Variants in ARHGAP22 observed in about 807,000 individuals in gnomAD.
ARHGAP22 encodes the protein rho GTPase-activating protein 22.
In ARHGAP22, 48 loss-of-function variants were observed where a neutral mutation model predicts 59.1. The ratio of observed to expected loss-of-function variants is 0.81; its 90% CI spans 0.64 to 1.03. ARHGAP22 has a LOEUF of 1.03. ARHGAP22 is among the 50% of genes least tolerant of loss of function. The pLI is 0.00. For missense variants in ARHGAP22, 1,015 were observed against 958.7 expected (o/e 1.06, Z -0.78); for synonymous variants, 445 against 416.4 (o/e 1.07, Z -0.84).
intron 1 of ARHGAP22, among the ~76,000 whole-genome samples, chr10:48,602,448 G>A (rs2060441100): frequency 6.6e-6 from 1 of 151,554 alleles, no homozygotes; most frequent in Non-Finnish European, 1.5e-5. Flanking sequence ...TTAAAAACAG[G>A]TACATCTAGA....
At chr10:48,597,337 A>T (rs770231544) in intron 1 of ARHGAP22, among the ~76,000 whole-genome samples, 4 of 152,110 alleles carry the variant, frequency 2.6e-5, no homozygotes, top group Non-Finnish European at 5.9e-5. Context: ...GAAAAGCTAA[A>T]GGGCATGAGA....
At chr10:48,456,886 A>G (rs1766362544) in intron 5 of ARHGAP22, among the ~76,000 whole-genome samples, 1 of 145,726 alleles carries the variant, frequency 6.9e-6, no homozygotes, top group African/African-American at 2.5e-5. Flanking sequence ...TTTTCTTGAG[A>G]CTTTTCCCTA....
At chr10:48,557,008 A>G (rs565281293) in intron 2 of ARHGAP22, among the ~76,000 whole-genome samples, 1 of 152,328 alleles carries the variant, frequency 6.6e-6, no homozygotes, top group African/African-American at 2.4e-5. Context: ...GACTCTTCTC[A>G]TTTAAGCAAC....
intron 1 of ARHGAP22, among the ~76,000 whole-genome samples, chr10:48,647,065 G>A (rs759409926): frequency 5.9e-5 from 9 of 152,112 alleles, no homozygotes; most frequent in Non-Finnish European, 1.3e-4. Context: ...ATTTAAAAAT[G>A]GGCAAAAAAT....
chr10:48,493,914 A>C (rs887835318), intron 3 of ARHGAP22, among the ~76,000 whole-genome samples: 2 of 152,288 alleles, frequency 1.3e-5, no homozygotes, highest in South Asian at 2.1e-4. Flanking sequence ...CTCCAGGTGG[A>C]CCCACCCACC....
rs369599977 is a variant in ARHGAP22 at position 48,450,599 on chromosome 10, C to T, written c.1530G>A (p.Met510Ile). ...CGCTGGACGAGGCCCCGGACCACGC[C>T]ATACTGGCCACGCTGGGTATGCCGG... ...LVPGIPSVAS[M>I]AWSGASSSES... The change falls in exon 9 of 10, where the codon ATG (methionine) becomes ATA (isoleucine). Residue 510 changes from methionine to isoleucine, a missense_variant. Physicochemically the swap from Met to Ile is conservative, Grantham distance 10. Transcript: ENST00000249601. 9 of 1,546,904 alleles carry T rather than the reference C, an allele frequency of 5.8e-6. No individual in the cohort carries two copies. The African/African-American group carries it at 1.2e-4, about 21-fold the overall frequency.
chr10:48,576,846 G>A (rs1328182549), intron 2 of ARHGAP22, among the ~76,000 whole-genome samples: 5 of 151,986 alleles, frequency 3.3e-5, no homozygotes, highest in Non-Finnish European at 7.4e-5. Context: ...CATTGTCTGT[G>A]GAATTCCTAG....
chr10:48,647,361 C>A (rs571934919), intron 1 of ARHGAP22, among the ~76,000 whole-genome samples: 20 of 152,136 alleles, frequency 1.3e-4, no homozygotes, highest in African/African-American at 4.8e-4. Flanking sequence ...CCATTGCACT[C>A]CAGTCTGGGC....
chr10:48,529,306 C>T (rs557485725), intron 3 of ARHGAP22, among the ~76,000 whole-genome samples: 25 of 152,192 alleles, frequency 1.6e-4, no homozygotes, highest in Middle Eastern at 6.8e-3. Context: ...GCTCAGGGGC[C>T]CCAGCTAACC....
At chr10:48,447,974 A>C in intron 9 of ARHGAP22, among the ~76,000 whole-genome samples, 1 of 136,686 alleles carries the variant, frequency 7.3e-6, no homozygotes, top group African/African-American at 2.8e-5. Context: ...CACCCCCCAT[A>C]GGTCAGGCCT....
At chr10:48,592,544 G>C (rs867209425) in intron 1 of ARHGAP22, among the ~76,000 whole-genome samples, 1 of 152,056 alleles carries the variant, frequency 6.6e-6, no homozygotes, top group Non-Finnish European at 1.5e-5. Flanking sequence ...CTCCCTCACC[G>C]GCTGTCACTC....
intron 2 of ARHGAP22, among the ~76,000 whole-genome samples, chr10:48,581,727 T>C (rs1305632073): frequency 1.3e-5 from 2 of 152,268 alleles, no homozygotes; most frequent in Non-Finnish European, 2.9e-5. Flanking sequence ...ATTAAGTGCA[T>C]TCACGTTGCT....
At chr10:48,573,320 C>T (rs1436756717) in intron 2 of ARHGAP22, among the ~76,000 whole-genome samples, 1 of 152,196 alleles carries the variant, frequency 6.6e-6, no homozygotes, top group East Asian at 1.9e-4. Flanking sequence ...TCTCAACTTA[C>T]AAGGAGGAAA....
In ARHGAP22 at chr10:48,605,026, A is replaced by C; in HGVS notation, c.-230T>G. 1 of 1,429,236 alleles carries C rather than the reference A, an allele frequency of 7.0e-7. No homozygotes were observed. 88.5% of individuals were successfully genotyped at this position (1,429,236 alleles called of 1,614,324 possible). On this transcript the variant is annotated 5_prime_UTR_variant, in exon 1 of 10. An upstream start codon of the reference 5' UTR is lost. Transcript: ENST00000249601. ...TTTATCCATCCCAGAATTAATTCCC[A>C]TCCAAGCGGACCATTAAAGCCTCAG... is the stretch of plus-strand genomic sequence containing the variant.
At chr10:48,483,503 G>T (rs950714539) in intron 3 of ARHGAP22, among the ~76,000 whole-genome samples, 10 of 152,108 alleles carry the variant, frequency 6.6e-5, no homozygotes, top group African/African-American at 2.4e-4. Context: ...CATAATGACT[G>T]TGTTAATTTA....
intron 1 of ARHGAP22, among the ~76,000 whole-genome samples, chr10:48,588,734 T>C (rs2059577859): frequency 6.6e-6 from 1 of 152,218 alleles, no homozygotes; most frequent in Non-Finnish European, 1.5e-5. Context: ...CCCAATTGAC[T>C]TGATGGTGTT....
chr10:48,455,364 C>T (rs1331303575), intron 5 of ARHGAP22, among the ~76,000 whole-genome samples: 1 of 152,166 alleles, frequency 6.6e-6, no homozygotes, highest in Non-Finnish European at 1.5e-5. Flanking sequence ...GCCAGGAGCT[C>T]CAGCTCAGGG....
chr10:48,649,901 C>A (rs1015488429), intron 1 of ARHGAP22, among the ~76,000 whole-genome samples: 1 of 150,486 alleles, frequency 6.6e-6, no homozygotes. Flanking sequence ...GCATAAGGAC[C>A]TTTCATTTGC....
intron 4 of ARHGAP22, among the ~76,000 whole-genome samples, chr10:48,464,082 T>C (rs1369745036): frequency 1.3e-5 from 2 of 152,168 alleles, no homozygotes; most frequent in Non-Finnish European, 2.9e-5. Flanking sequence ...CATCCACCTT[T>C]CCATAACCCC....
Sources: allele counts gnomAD v4.1 joint callset (sites outside exome capture counted in the v4.1 genomes callset), GRCh38; gene constraint gnomAD v4.1.1; transcripts MANE v1.5; gene names NCBI Gene and HGNC (gene_info 2026-07-23, HGNC 2026-07-21).